The following DHX8 variants were observed in gnomAD, a reference collection of about 807,000 sequenced individuals.
DHX8 encodes ATP-dependent RNA helicase DHX8.
In DHX8, 67 loss-of-function variants were observed where a neutral mutation model predicts 140.7. That is an observed-to-expected ratio of 0.48 (90% CI 0.39 to 0.58). The LOEUF is 0.58. DHX8 is among the 20% of genes least tolerant of loss of function. DHX8 has a pLI of 0.00. For missense variants in DHX8, 887 were observed against 1,550.7 expected, an observed-to-expected ratio of 0.57 and a Z score of 7.19; for synonymous variants, 533 against 553.2, an observed-to-expected ratio of 0.96 and a Z score of 0.51.
At chr17:43,530,074 G>C (rs1421430712), downstream of DHX8, 1 of 1,611,108 alleles carries the variant, frequency 6.2e-7, no homozygotes, top group Non-Finnish European at 8.5e-7. Context: ...CCCCAACATG[G>C]AGGGCTTGGC....
intron 16 of DHX8, among the ~76,000 whole-genome samples, chr17:43,510,874 T>A (rs1388377500): frequency 6.6e-6 from 1 of 152,256 alleles, no homozygotes; most frequent in African/African-American, 2.4e-5. Context: ...ATAAATGAAA[T>A]CACATATTTG....
intron 5 of DHX8, 81 bp from the exon 6 acceptor site, chr17:43,492,600 G>T: frequency 1.3e-6 from 1 of 793,942 alleles, no homozygotes; most frequent in South Asian, 1.6e-5. Context: ...CCATGTGCAT[G>T]GCACTGTACT....
Position 43,523,514 on chromosome 17 carries a change from C to T in DHX8, c.3444-114C>T. 5 of 1,500,706 alleles carry T rather than the reference C, an allele frequency of 3.3e-6. No homozygotes were observed. The South Asian group carries it at 5.2e-5, about 16-fold the overall frequency. 93.0% of individuals were successfully genotyped at this position (1,500,706 alleles called of 1,614,324 possible). On this transcript the variant is annotated intron_variant, in intron 22 of 22. Transcript: ENST00000262415. ...AGACTGCAGTCTTATAGGTGTCAGG[C>T]AGGAGAGGTAATAGTATAAAATGTA...
chr17:43,535,214 C>T (rs1394246892), intron 2 of DHX8, among the ~76,000 whole-genome samples: 2 of 152,164 alleles, frequency 1.3e-5, no homozygotes, highest in African/African-American at 4.8e-5. Context: ...TCTTTGTGCC[C>T]CATTGTTTCA....
chr17:43,492,091 C>T (rs987673802), intron 4 of DHX8, 92 bp from the exon 5 acceptor site: 1 of 848,946 alleles, frequency 1.2e-6, no homozygotes, highest in Non-Finnish European at 2.0e-6. Context: ...ATTTCCCTCA[C>T]ATAGTGATTA....
chr17:43,528,484 C>T (rs1970695495), downstream of DHX8: 1 of 1,429,100 alleles, frequency 7.0e-7, no homozygotes, highest in African/African-American at 1.4e-5. Context: ...CACAGGGCAG[C>T]ACCCACCTGC....
downstream of DHX8, chr17:43,528,413 C>G: frequency 1.3e-6 from 1 of 771,818 alleles, no homozygotes; most frequent in Non-Finnish European, 2.1e-6. Flanking sequence ...GGGGATCTGC[C>G]CCAGAGACAT....
rs2279191 is a variant in DHX8, at chr17:43,493,059, T to C, written c.863+19T>C. Reference sequence around the variant, plus strand: ...GACTAAGGTAATGACTGGTGCTCTTTTGTTCACACCAGTGATGGGCAGAAT... The same window carrying C: ...GACTAAGGTAATGACTGGTGCTCTTCTGTTCACACCAGTGATGGGCAGAAT... On this transcript the variant is annotated intron_variant, in intron 6 of 22. Transcript: ENST00000262415. 0.25 allele frequency: 393,768 copies of C among 1,603,646 alleles called. 49,482 individuals are homozygous for C. The highest frequency in any genetic ancestry group is 0.36 in the East Asian group (16,033 of 44,652).
At chr17:43,499,817 C>A (rs1159798530) in intron 10 of DHX8, 139 bp from the exon 11 acceptor site, 3 of 889,344 alleles carry the variant, frequency 3.4e-6, no homozygotes, top group Non-Finnish European at 3.5e-6. Context: ...ACGGTTTATC[C>A]ATTTCTTTCA....
intron 8 of DHX8, 65 bp downstream of exon 8, chr17:43,493,951 G>A: frequency 3.2e-6 from 5 of 1,548,016 alleles, no homozygotes; most frequent in Non-Finnish European, 4.4e-6. Context: ...TTAGGGGTGT[G>A]CCCTGGAGCA....
intron 8 of DHX8, among the ~76,000 whole-genome samples, chr17:43,495,497 A>C (rs1307357018): frequency 1.3e-5 from 2 of 151,898 alleles, no homozygotes; most frequent in African/African-American, 4.8e-5. Flanking sequence ...TGCTCATCTC[A>C]AACTCCTGGG....
At chr17:43,484,324 C>G in intron 1 of DHX8, 139 bp downstream of exon 1, 1 of 1,042,812 alleles carries the variant, frequency 9.6e-7, no homozygotes, top group Non-Finnish European at 1.4e-6. Context: ...CACCGGTGCC[C>G]AGGGTACACG....
chr17:43,502,010 TG>T (rs1423809244), intron 11 of DHX8, among the ~76,000 whole-genome samples: 2 of 152,192 alleles, frequency 1.3e-5, no homozygotes, highest in East Asian at 3.8e-4. Context: ...TGGTCAAAGA[TG>T]ACTTCCAGGT....
chr17:43,537,083 C>T (rs1250692800), intron 3 of DHX8, among the ~76,000 whole-genome samples: 2 of 152,168 alleles, frequency 1.3e-5, no homozygotes, highest in Non-Finnish European at 2.9e-5. Flanking sequence ...ACATAGGAGG[C>T]GGCCAGGCAT....
chr17:43,508,993 A>G (rs1378311606), intron 16 of DHX8, among the ~76,000 whole-genome samples: 4 of 152,120 alleles, frequency 2.6e-5, no homozygotes, highest in Admixed American at 6.6e-5. Context: ...GGTCCAACCA[A>G]TTTGTTTAGT....
chr17:43,499,930 T>A, intron 10 of DHX8, 26 bp from the exon 11 acceptor site: 1 of 1,611,948 alleles, frequency 6.2e-7, no homozygotes, highest in Non-Finnish European at 8.5e-7. Context: ...ATTTAATCCA[T>A]GTTGTTTTTT....
chr17:43,520,965 T>C, intron 20 of DHX8, 86 bp downstream of exon 20: 13 of 166,818 alleles, frequency 7.8e-5, no homozygotes, highest in East Asian at 1.8e-4. Flanking sequence ...TGATGTGGAC[T>C]TTTTTTTTTT....
At chr17:43,531,297 G>C (rs978305100), downstream of DHX8, among the ~76,000 whole-genome samples, 1 of 152,194 alleles carries the variant, frequency 6.6e-6, no homozygotes, top group African/African-American at 2.4e-5. Context: ...GGGTTTTCTG[G>C]ACCCTTCCTG....
At chr17:43,528,779 G>A, downstream of DHX8, 1 of 1,579,908 alleles carries the variant, frequency 6.3e-7, no homozygotes, top group East Asian at 2.2e-5. Context: ...AGCCTGGCTA[G>A]CCGCCCAGCC....
Sources: allele counts gnomAD v4.1 joint callset (sites outside exome capture counted in the v4.1 genomes callset), GRCh38; gene constraint gnomAD v4.1.1; transcripts MANE v1.5; gene names NCBI Gene and HGNC (gene_info 2026-07-23, HGNC 2026-07-21).